Variants in RPRD1B observed in about 807,000 individuals in gnomAD.
RPRD1B encodes regulation of nuclear pre-mRNA domain-containing protein 1B.
Under a neutral mutation model 41.5 loss-of-function variants are expected in RPRD1B, and 11 were observed. The observed-to-expected ratio is 0.27, with a 90% CI of 0.17 to 0.44. The LOEUF (loss-of-function observed/expected upper bound fraction) is 0.44. Among genes scored for constraint, RPRD1B ranks in the 20% least tolerant of loss-of-function variants. The probability of loss-of-function intolerance (pLI) is 1.00; values close to 1 mark genes in which losing one functional copy is unlikely to be tolerated. For missense variants in RPRD1B, 248 were observed against 389.9 expected, an observed-to-expected ratio of 0.64 and a Z score of 3.06; for synonymous variants, 158 against 155.6, an observed-to-expected ratio of 1.02 and a Z score of -0.12.
chr20:38,043,354 G>C (rs1423831083), intron 2 of RPRD1B, among the ~76,000 whole-genome samples: 1 of 152,206 alleles, frequency 6.6e-6, no homozygotes, highest in East Asian at 1.9e-4. Flanking sequence ...GTGATATCCA[G>C]ATGAGGTCCG....
chr20:38,048,290 C>T (rs2074140749), intron 2 of RPRD1B, 58 bp from the exon 3 acceptor site: 10 of 1,525,876 alleles, frequency 6.6e-6, no homozygotes, highest in Middle Eastern at 1.8e-4. Flanking sequence ...GTAGGTCTGT[C>T]CTAATTAAAA....
intron 5 of RPRD1B, among the ~76,000 whole-genome samples, chr20:38,062,696 G>C (rs1424325177): frequency 6.6e-6 from 1 of 152,004 alleles, no homozygotes; most frequent in Non-Finnish European, 1.5e-5. Context: ...TACTTCGTTT[G>C]TTCCTCTTGC....
At chr20:38,069,165 T>G (rs1009442718) in intron 6 of RPRD1B, among the ~76,000 whole-genome samples, 4 of 152,198 alleles carry the variant, frequency 2.6e-5, no homozygotes, top group Admixed American at 2.6e-4. Flanking sequence ...TCTCTTTCAC[T>G]TGGGAATTTT....
chr20:38,051,149 T>G (rs1488692824), intron 3 of RPRD1B, among the ~76,000 whole-genome samples: 5 of 152,214 alleles, frequency 3.3e-5, no homozygotes, highest in Non-Finnish European at 7.3e-5. Context: ...GGGTATTAAG[T>G]TTATAAACCT....
At chr20:38,039,662 C>T (rs2074043532) in intron 1 of RPRD1B, among the ~76,000 whole-genome samples, 1 of 151,874 alleles carries the variant, frequency 6.6e-6, no homozygotes, top group Non-Finnish European at 1.5e-5. Context: ...TCTCGGCCTC[C>T]AAAAGTGCTG....
Position 38,066,214 on chromosome 20 carries a change from G to A in RPRD1B, c.789G>A (p.Gln263=), listed in dbSNP as rs1447217384. Residue 263 remains glutamine (Q), a synonymous_variant, in exon 6 of 7, where the codon CAG becomes CAA. Transcript: ENST00000373433. ...CTCGGATGTTGGTGGAGTATACCCAGAATCAGAAAGATGTTTTGTCGGAGA... is the reference window on the plus strand; with the variant it reads ...CTCGGATGTTGGTGGAGTATACCCAAAATCAGAAAGATGTTTTGTCGGAGA... The part of the protein sequence containing the change: ...QLARMLVEYT[Q]NQKDVLSEKE... The A allele has an allele frequency of 6.2e-7, 1 of 1,614,200 alleles. No individual in the cohort carries two copies. Among genetic ancestry groups the A allele is most frequent in the Non-Finnish European group, 8.5e-7 (1 of 1,180,028 alleles).
chr20:38,080,341 A>G (rs989983662), intron 6 of RPRD1B, among the ~76,000 whole-genome samples: 3 of 152,224 alleles, frequency 2.0e-5, no homozygotes, highest in African/African-American at 7.2e-5. Flanking sequence ...GAGGTTTTAC[A>G]TTAAGTCTTG....
At chr20:38,066,393 G>A in intron 6 of RPRD1B, 137 bp downstream of exon 6, 1 of 825,636 alleles carries the variant, frequency 1.2e-6, no homozygotes, top group Non-Finnish European at 1.9e-6. Context: ...ACATCCATCA[G>A]ATACTGTAAT....
intron 5 of RPRD1B, among the ~76,000 whole-genome samples, chr20:38,062,045 A>C (rs1289043465): frequency 6.6e-6 from 1 of 152,146 alleles, no homozygotes; most frequent in East Asian, 1.9e-4. Context: ...AGGGGGAATG[A>C]GAAGGAGGTA....
Position 38,091,741 on chromosome 20 carries a change from C to A in RPRD1B, c.*1866C>A. On this transcript the variant is annotated 3_prime_UTR_variant, in exon 7 of 7. Transcript: ENST00000373433. ...GAAGTGCGATCTGAGCAGCCACAAT[C>A]CAGCCAAAAGAGGATCGTAGATATT... 1 of 985,680 alleles carries A rather than the reference C, an allele frequency of 1.0e-6. No homozygotes were observed. Among genetic ancestry groups the A allele is most frequent in the Non-Finnish European group, 1.2e-6 (1 of 829,910 alleles). 61.1% of individuals were successfully genotyped at this position (985,680 alleles called of 1,614,324 possible).
At chr20:38,089,636 C>T (rs547569493) in intron 6 of RPRD1B, 90 bp from the exon 7 acceptor site, 47 of 1,057,718 alleles carry the variant, frequency 4.4e-5, no homozygotes, top group African/African-American at 1.6e-4. Flanking sequence ...AGGAAGAACA[C>T]GAGGACGAGA....
At chr20:38,038,654 G>T (rs1422551103) in intron 1 of RPRD1B, among the ~76,000 whole-genome samples, 3 of 151,912 alleles carry the variant, frequency 2.0e-5, no homozygotes, top group Non-Finnish European at 2.9e-5. Context: ...CCGCCACCAC[G>T]CCTGGCTAAT....
intron 6 of RPRD1B, 110 bp downstream of exon 6, chr20:38,066,366 C>G: frequency 9.5e-7 from 1 of 1,048,782 alleles, no homozygotes; most frequent in South Asian, 1.6e-5. Flanking sequence ...TTTAAAAATT[C>G]ATGATGTGAA....
chr20:38,081,383 A>C (rs928783552), intron 6 of RPRD1B, among the ~76,000 whole-genome samples: 34 of 152,106 alleles, frequency 2.2e-4, no homozygotes, highest in African/African-American at 7.7e-4. Context: ...TAGAAATGCT[A>C]CTGATTTTTG....
At chr20:38,062,219 C>T (rs1381442523) in intron 5 of RPRD1B, among the ~76,000 whole-genome samples, 2 of 152,190 alleles carry the variant, frequency 1.3e-5, no homozygotes, top group Non-Finnish European at 2.9e-5. Flanking sequence ...AGCTTTCCTC[C>T]TCTCTTTCTG....
Position 38,091,723 on chromosome 20 carries a change from G to A in RPRD1B, c.*1848G>A, listed in dbSNP as rs1004047763. 5.1e-6 allele frequency: 5 copies of A among 985,662 alleles called. No individual in the cohort carries two copies. Among genetic ancestry groups the A allele is most frequent in the South Asian group, 9.4e-5 (2 of 21,280 alleles). 61.1% of individuals were successfully genotyped at this position (985,662 alleles called of 1,614,324 possible). ...CTCTATGCTTTCACCAAGGAAGTGC[G>A]ATCTGAGCAGCCACAATCCAGCCAA... is the stretch of plus-strand genomic sequence containing the variant. On this transcript the variant is annotated 3_prime_UTR_variant, in exon 7 of 7. Transcript: ENST00000373433.
At chr20:38,046,503 A>C (rs1227521628) in intron 2 of RPRD1B, among the ~76,000 whole-genome samples, 3 of 152,224 alleles carry the variant, frequency 2.0e-5, no homozygotes, top group Non-Finnish European at 4.4e-5. Flanking sequence ...AAAGCGTGTA[A>C]ACAAAAAGTA....
intron 2 of RPRD1B, among the ~76,000 whole-genome samples, chr20:38,042,828 T>C (rs1303107974): frequency 2.0e-5 from 3 of 151,958 alleles, no homozygotes; most frequent in East Asian, 1.9e-4. Flanking sequence ...GATATTTTTA[T>C]GATAAAAGAC....
chr20:38,057,544 A>C lies in RPRD1B; in HGVS notation c.428A>C (p.Lys143Thr). ...CTCTTTTGTCTAGCAACAGAAGAGA[A>C]GAAATCTCTGAAACGAACTTTTCAG... ...KSPPPKATEE[K>T]KSLKRTFQQI... The change falls in exon 4 of 7, where the codon AAG becomes ACG. Residue 143 changes from lysine to threonine, a missense_variant. Transcript: ENST00000373433. The C allele has an allele frequency of 1.2e-6, 2 of 1,613,236 alleles. No individual in the cohort carries two copies. Among genetic ancestry groups the C allele is most frequent in the African/African-American group, 1.3e-5 (1 of 75,038 alleles).
Sources: allele counts gnomAD v4.1 joint callset (sites outside exome capture counted in the v4.1 genomes callset), GRCh38; gene constraint gnomAD v4.1.1; transcripts MANE v1.5; gene names NCBI Gene and HGNC (gene_info 2026-07-23, HGNC 2026-07-21).